The following SDK1 variants were observed in gnomAD, a reference collection of about 807,000 sequenced individuals.
SDK1 encodes sidekick cell adhesion molecule 1.
In SDK1, 157 loss-of-function variants were observed where a neutral mutation model predicts 245.5. The ratio of observed to expected loss-of-function variants is 0.64; its 90% CI spans 0.56 to 0.73. The LOEUF is 0.73. Ranked by LOEUF, SDK1 falls within the 30% of genes least tolerant of loss-of-function variation. The pLI is 0.00. For missense variants in SDK1, 3,583 were observed against 3,002.3 expected, an observed-to-expected ratio of 1.19 and a Z score of -4.52; for synonymous variants, 1,647 against 1,278.5, an observed-to-expected ratio of 1.29 and a Z score of -6.15.
intron 41 of SDK1, among the ~76,000 whole-genome samples, chr7:4,235,455 C>G (rs1355432118): frequency 6.6e-6 from 1 of 152,132 alleles, no homozygotes; most frequent in African/African-American, 2.4e-5. Flanking sequence ...TGAGTCACGG[C>G]GCCCAGCTGA....
At chr7:3,971,420 G>T in intron 11 of SDK1, 46 bp from the exon 12 acceptor site, 1 of 1,393,782 alleles carries the variant, frequency 7.2e-7, no homozygotes, top group Non-Finnish European at 1.0e-6. Flanking sequence ...GGCAGAAACT[G>T]TCAAACTTGT....
intron 5 of SDK1, among the ~76,000 whole-genome samples, chr7:3,894,355 C>T (rs1166118289): frequency 5.3e-5 from 8 of 151,790 alleles, no homozygotes; most frequent in Non-Finnish European, 7.4e-5. Flanking sequence ...GGAGGTCTGG[C>T]GACTACAATG....
chr7:3,537,699 C>G (rs780235875), intron 1 of SDK1, among the ~76,000 whole-genome samples: 1 of 152,212 alleles, frequency 6.6e-6, no homozygotes, highest in Non-Finnish European at 1.5e-5. Flanking sequence ...GATGATCTGT[C>G]TGTGCTGTGG....
At chr7:4,078,169 G>A (rs191200551) in intron 21 of SDK1, among the ~76,000 whole-genome samples, 2 of 152,298 alleles carry the variant, frequency 1.3e-5, no homozygotes, top group Non-Finnish European at 2.9e-5. Flanking sequence ...GGGAGGCACT[G>A]GAGTTGCTGT....
chr7:3,977,641 G>T (rs1046609027), intron 13 of SDK1, among the ~76,000 whole-genome samples: 1 of 152,170 alleles, frequency 6.6e-6, no homozygotes, highest in African/African-American at 2.4e-5. Flanking sequence ...CACTTCCTGC[G>T]GTTCAGTTAC....
rs368044268 is a variant in SDK1, at chr7:3,670,783, C to T, written c.713+28678C>T. ...TACATCCCAGCTGGCTCAGGACAGA[C>T]CCAGTTTATGTCTGTTGTAGATCAG... On this transcript the variant is annotated intron_variant, in intron 4 of 44. Transcript: ENST00000404826. 1.5e-3 allele frequency among the ~76,000 whole-genome samples: 236 copies of T among 152,278 alleles called. 1 individual carries two copies. Among genetic ancestry groups the T allele is most frequent in the African/African-American group, 5.5e-3 (230 of 41,558 alleles).
At chr7:3,490,066 G>T (rs1781823391) in intron 1 of SDK1, among the ~76,000 whole-genome samples, 1 of 152,132 alleles carries the variant, frequency 6.6e-6, no homozygotes, top group South Asian at 2.1e-4. Context: ...TTGCTTTCAA[G>T]CTGGAATTAT....
At chr7:3,900,702 T>G (rs373842808) in intron 5 of SDK1, among the ~76,000 whole-genome samples, 2 of 152,128 alleles carry the variant, frequency 1.3e-5, no homozygotes, top group African/African-American at 4.8e-5. Flanking sequence ...CCATGAGCAT[T>G]TGGCCGCTTC....
At position 4,268,490 on chromosome 7, in the gene SDK1, A is replaced by G. The variant is rs886224751; in HGVS notation, c.*3106A>G. The G allele has an allele frequency of 1.0e-5, 12 of 1,176,828 alleles. No homozygotes were observed. The highest frequency in any genetic ancestry group is 1.3e-5 in the Non-Finnish European group (12 of 932,314). The allele number at this position is 1,176,828 out of a possible 1,614,324, so 72.9% of individuals were successfully genotyped here. Reference sequence around the variant, plus strand: ...CACTCAATGCTGTAGCCAAAAAACGAGGGGCCCCAGGGAGAGGGGACCCAG... The same window carrying G: ...CACTCAATGCTGTAGCCAAAAAACGGGGGGCCCCAGGGAGAGGGGACCCAG... On this transcript the variant is annotated 3_prime_UTR_variant, in exon 45 of 45. Transcript: ENST00000404826.
chr7:3,319,861 TCTAA>T lies in SDK1; in HGVS notation c.298+17979_298+17982del, dbSNP rs1210269680. 2.0e-5 allele frequency among the ~76,000 whole-genome samples: 3 copies of T among 148,996 alleles called. No homozygotes were observed. The East Asian group carries it at 6.1e-4, about 30-fold the overall frequency. ...TGGTTTCCTCTTCCATTTGCCTATA[TCTAA>T]CCCATTCTTAGTCTTTTTTTTTTTT... is the stretch of plus-strand genomic sequence containing the variant. On this transcript the variant is annotated intron_variant, in intron 1 of 44. Transcript: ENST00000404826.
intron 5 of SDK1, among the ~76,000 whole-genome samples, chr7:3,840,443 C>T (rs1002612077): frequency 1.3e-5 from 2 of 152,152 alleles, no homozygotes; most frequent in Admixed American, 1.3e-4. Flanking sequence ...GATTTTAATA[C>T]ACAGCCAGGG....
intron 5 of SDK1, among the ~76,000 whole-genome samples, chr7:3,885,940 T>C (rs1036970017): frequency 1.3e-5 from 2 of 152,228 alleles, no homozygotes; most frequent in African/African-American, 4.8e-5. Flanking sequence ...AGTTGAGTTC[T>C]GAGTTTGGAT....
chr7:4,226,950 T>G (rs1329440797), intron 40 of SDK1, among the ~76,000 whole-genome samples: 1 of 147,588 alleles, frequency 6.8e-6, no homozygotes, highest in Non-Finnish European at 1.5e-5. Flanking sequence ...TTTTTTTTTT[T>G]CTTAAATAAT....
chr7:4,236,933 G>T (rs1349854469), intron 41 of SDK1, among the ~76,000 whole-genome samples: 3 of 152,110 alleles, frequency 2.0e-5, no homozygotes, highest in African/African-American at 2.4e-5. Flanking sequence ...TGGAGACAGG[G>T]TCTTGTTCTG....
chr7:3,804,190 C>G (rs1361513961), intron 4 of SDK1, among the ~76,000 whole-genome samples: 2 of 152,180 alleles, frequency 1.3e-5, no homozygotes, highest in African/African-American at 4.8e-5. Context: ...TGCAATTTCT[C>G]TGATATCTTC....
intron 4 of SDK1, among the ~76,000 whole-genome samples, chr7:3,683,252 G>A (rs1345859939): frequency 1.3e-5 from 2 of 152,146 alleles, no homozygotes; most frequent in Non-Finnish European, 2.9e-5. Context: ...CTTCCCCAAT[G>A]TTGATAACAG....
chr7:3,742,909 A>G lies in SDK1; in HGVS notation c.714-78541A>G, dbSNP rs930451891. On this transcript the variant is annotated intron_variant, in intron 4 of 44. Coordinates refer to ENST00000404826, the MANE Select transcript of SDK1 (RefSeq NM_152744.4). ...GGAATTTTTGCAAGCAAAGAACCAA[A>G]CAAACAAATAGCAAATTGTACGTCA... is the stretch of plus-strand genomic sequence containing the variant. 1.8e-4 allele frequency among the ~76,000 whole-genome samples: 28 copies of G among 152,218 alleles called. 1 individual carries two copies. The highest frequency in any genetic ancestry group is 1.8e-3 in the Admixed American group (27 of 15,286).
chr7:4,262,766 C>T (rs1788110733), intron 44 of SDK1, among the ~76,000 whole-genome samples: 1 of 104,998 alleles, frequency 9.5e-6, no homozygotes, highest in Non-Finnish European at 2.0e-5. Context: ...TCCCCTCTAC[C>T]TCATCACCTC....
intron 5 of SDK1, among the ~76,000 whole-genome samples, chr7:3,852,378 C>A (rs1288166027): frequency 6.6e-6 from 1 of 151,852 alleles, no homozygotes; most frequent in Admixed American, 6.6e-5. Context: ...CTAGCCATCA[C>A]CACTGCCAAC....
Sources: gnomAD v4.1 joint callset for allele counts (sites outside exome capture counted in the v4.1 genomes callset) on GRCh38, gnomAD v4.1.1 for gene constraint, MANE v1.5 for transcripts, NCBI Gene and HGNC (gene_info 2026-07-23, HGNC 2026-07-21) for gene names.